The following TCF25 variants were observed in gnomAD, a reference collection of about 807,000 sequenced individuals.
The protein encoded by TCF25 is TCF25 ribosome quality control complex subunit, also known as ribosome quality control complex subunit TCF25.
In TCF25, 41 loss-of-function variants were observed where a neutral mutation model predicts 83.1. The observed-to-expected ratio is 0.49, with a 90% confidence interval of 0.38 to 0.64. The LOEUF (loss-of-function observed/expected upper bound fraction) is 0.64. TCF25 is among the 30% of genes least tolerant of loss of function. TCF25 has a pLI of 0.00. For missense variants in TCF25, 979 were observed against 914.5 expected, an observed-to-expected ratio of 1.07 and a Z score of -0.91; for synonymous variants, 458 against 365.0, an observed-to-expected ratio of 1.25 and a Z score of -2.90.
In TCF25 at chr16:89,893,872, G is replaced by A. The variant is rs1020594954; in HGVS notation, c.828+14G>A. ...AACAACATCGTGGTGCGTGGTCCCT[G>A]CAGCCCCTGACAGGAGCAGGGGCCA... is the stretch of plus-strand genomic sequence containing the variant. On this transcript the variant is annotated intron_variant, in intron 7 of 17. Coordinates refer to ENST00000263346, the MANE Select transcript of TCF25 (RefSeq NM_014972.3). 4 of 1,592,818 alleles carry A rather than the reference G, an allele frequency of 2.5e-6. No homozygotes were observed. The African/African-American group carries it at 5.4e-5, about 21-fold the overall frequency.
chr16:89,875,553 C>T (rs1351455035), intron 1 of TCF25, among the ~76,000 whole-genome samples: 24 of 115,302 alleles, frequency 2.1e-4, no homozygotes, highest in East Asian at 8.2e-4. Context: ...GATGGAGTCT[C>T]GCTCTGTCGC....
At chr16:89,910,698 G>A in intron 17 of TCF25, 35 bp downstream of exon 17, 2 of 1,605,444 alleles carry the variant, frequency 1.2e-6, no homozygotes, top group Non-Finnish European at 1.7e-6. Context: ...TGCCTCCCCA[G>A]TGGGTGCGGG....
At chr16:89,904,713 G>A (rs569475189) in intron 13 of TCF25, 27 of 679,722 alleles carry the variant, frequency 4.0e-5, no homozygotes, top group African/African-American at 1.1e-4. Context: ...TTTCTGTGAC[G>A]TCAGTCCTGC....
chr16:89,899,633 C>T (rs1054525775), intron 11 of TCF25, among the ~76,000 whole-genome samples: 1 of 151,862 alleles, frequency 6.6e-6, no homozygotes, highest in African/African-American at 2.4e-5. Flanking sequence ...GAGGCTGAGG[C>T]AGGAGAATCG....
chr16:89,908,164 AG>A (rs2045118779), intron 16 of TCF25, among the ~76,000 whole-genome samples: 1 of 60,172 alleles, frequency 1.7e-5, no homozygotes, highest in Non-Finnish European at 3.2e-5. Flanking sequence ...CCCTCCTCCC[AG>A]CTCCCACCTT....
chr16:89,908,628 T>C (rs2045242705), intron 16 of TCF25, among the ~76,000 whole-genome samples: 1 of 112,558 alleles, frequency 8.9e-6, no homozygotes, highest in Non-Finnish European at 1.9e-5. Context: ...ACCTCCCAGC[T>C]CCCACCTCCC....
At chr16:89,910,708 G>T in intron 17 of TCF25, 45 bp downstream of exon 17, 1 of 1,593,378 alleles carries the variant, frequency 6.3e-7, no homozygotes, top group Non-Finnish European at 8.6e-7. Flanking sequence ...GTGGGTGCGG[G>T]CATATCCATT....
intron 3 of TCF25, 36 bp from the exon 4 acceptor site, chr16:89,885,812 A>G (rs1471119620): frequency 6.8e-7 from 1 of 1,464,262 alleles, no homozygotes; most frequent in South Asian, 1.1e-5. Context: ...AAATAATGTC[A>G]GTGTGGTGAT....
intron 1 of TCF25, among the ~76,000 whole-genome samples, chr16:89,881,399 G>C (rs953655485): frequency 1.6e-4 from 24 of 152,148 alleles, no homozygotes; most frequent in African/African-American, 5.8e-4. Context: ...GGATCCATCA[G>C]AATCTCCTAG....
At chr16:89,878,434 A>ATTT (rs34120033) in intron 1 of TCF25, 2,612 of 1,004,116 alleles carry the variant, frequency 2.6e-3, no homozygotes, top group South Asian at 8.0e-3. Flanking sequence ...AAAAATCACC[A>ATTT]TTTTTTTTTT....
Position 89,895,148 on chromosome 16 carries a change from G to GC in TCF25, c.928+16dup. Reference sequence around the variant, plus strand: ...CTCGAGACCTCGTAGGTAAGGCAGAGCCCCCACCCCATTCCCCTCAGCTGT... The same window carrying GC: ...CTCGAGACCTCGTAGGTAAGGCAGAGCCCCCCACCCCATTCCCCTCAGCTGT... On this transcript the variant is annotated intron_variant, in intron 8 of 17. Transcript: ENST00000263346. 3 of 1,610,460 alleles carry GC rather than the reference G, an allele frequency of 1.9e-6. No homozygotes were observed. Among genetic ancestry groups the GC allele is most frequent in the Non-Finnish European group, 2.5e-6 (3 of 1,178,226 alleles).
Position 89,911,362 on chromosome 16 carries a change from A to G in TCF25, c.*124A>G, listed in dbSNP as rs1224585827. On this transcript the variant is annotated 3_prime_UTR_variant, in exon 18 of 18. Coordinates refer to ENST00000263346, the MANE Select transcript of TCF25 (RefSeq NM_014972.3). Reference sequence around the variant, plus strand: ...CGCTCCCTGGTCCACTGTTTCTCCTATAAATGTAAATGGGTCACGCTCTGC... The same window carrying G: ...CGCTCCCTGGTCCACTGTTTCTCCTGTAAATGTAAATGGGTCACGCTCTGC... 18 of 1,285,036 alleles carry G rather than the reference A, an allele frequency of 1.4e-5. No homozygotes were observed. The East Asian group carries it at 3.7e-4, about 26-fold the overall frequency. 79.6% of individuals were successfully genotyped at this position (1,285,036 alleles called of 1,614,324 possible).
chr16:89,876,735 GC>G (rs2042218791), intron 1 of TCF25, among the ~76,000 whole-genome samples: 1 of 151,942 alleles, frequency 6.6e-6, no homozygotes, highest in Non-Finnish European at 1.5e-5. Flanking sequence ...GACCATCCTG[GC>G]TAACACGGTG....
chr16:89,899,580 T>G (rs11646270), intron 11 of TCF25, among the ~76,000 whole-genome samples: 11,476 of 152,026 alleles, frequency 0.075, 641 homozygotes, highest in East Asian at 0.26. Flanking sequence ...AATACAAAAT[T>G]AGCTGGGCGT....
At chr16:89,883,194 C>A (rs1439924084) in intron 1 of TCF25, among the ~76,000 whole-genome samples, 157 bp from the exon 2 acceptor site, 1 of 152,152 alleles carries the variant, frequency 6.6e-6, no homozygotes, top group Non-Finnish European at 1.5e-5. Flanking sequence ...ACTGCTGTGT[C>A]CAACAGTCTC....
intron 16 of TCF25, among the ~76,000 whole-genome samples, chr16:89,908,094 C>G (rs2144315569): frequency 7.1e-6 from 1 of 140,518 alleles, no homozygotes; most frequent in African/African-American, 2.7e-5. Context: ...CTCCCTCCTC[C>G]CAGTTCCCAG....
chr16:89,878,675 C>G (rs144286618), intron 1 of TCF25: 2 of 1,063,058 alleles, frequency 1.9e-6, no homozygotes, highest in Admixed American at 5.2e-5. Context: ...GAGTCTTGCG[C>G]TGTCGCCCAG....
chr16:89,889,089 T>C (rs1339506649), intron 5 of TCF25: 2 of 264,270 alleles, frequency 7.6e-6, no homozygotes, highest in African/African-American at 2.4e-5. Context: ...TTCAGCTCCT[T>C]AGAGGAGGAA....
chr16:89,889,035 G>T (rs2043226007), intron 5 of TCF25, among the ~76,000 whole-genome samples: 1 of 151,718 alleles, frequency 6.6e-6, no homozygotes, highest in South Asian at 2.1e-4. Context: ...CAGTTGGGCA[G>T]CCCCAGATGA....
Sources: allele counts gnomAD v4.1 joint callset (sites outside exome capture counted in the v4.1 genomes callset), GRCh38; gene constraint gnomAD v4.1.1; transcripts MANE v1.5; gene names NCBI Gene and HGNC (gene_info 2026-07-23, HGNC 2026-07-21).